FILIP1L: variants seen among roughly 807,000 people sequenced by gnomAD.
The protein encoded by FILIP1L is filamin A-interacting protein 1-like.
In FILIP1L, 55 loss-of-function variants were observed where a neutral mutation model predicts 96.6. The observed-to-expected ratio is 0.57, with a 90% CI of 0.46 to 0.71. The LOEUF (loss-of-function observed/expected upper bound fraction) is 0.71, where lower values mean the gene tolerates loss of function less well. Among genes scored for constraint, FILIP1L ranks in the 30% least tolerant of loss-of-function variants. The pLI, the probability that FILIP1L is intolerant of heterozygous loss-of-function variation, is 0.00. For synonymous variants in FILIP1L, 467 were observed against 473.9 expected (o/e 0.99, Z 0.19); for missense variants, 1,304 against 1,321.2 (o/e 0.99, Z 0.20).
chr3:99,895,511 G>T (rs1424169173), intron 4 of FILIP1L, among the ~76,000 whole-genome samples: 1 of 151,986 alleles, frequency 6.6e-6, no homozygotes, highest in Admixed American at 6.6e-5. Flanking sequence ...TGCAGAAGAG[G>T]CCAAGTTCCT....
intron 1 of FILIP1L, among the ~76,000 whole-genome samples, chr3:99,995,689 TC>T (rs987189910): frequency 6.6e-6 from 1 of 152,224 alleles, no homozygotes; most frequent in Non-Finnish European, 1.5e-5. Context: ...AGGCAGAGGT[TC>T]CCAAACCCCA....
rs936139740 is a variant in FILIP1L at position 99,829,866 on chromosome 3, A to C, written c.*548T>G. On this transcript the variant is annotated 3_prime_UTR_variant, in exon 6 of 6. Transcript: ENST00000477258. ...TATTCGGCTGTTATTCACTTTTGTT[A>C]TGCTTTTCCTCCTTTAAGAATTATC... is the stretch of plus-strand genomic sequence containing the variant. Among the ~76,000 whole-genome samples the C allele has an allele frequency of 6.6e-6, 1 of 152,174 alleles. No homozygotes were observed. The highest frequency in any genetic ancestry group is 1.5e-5 in the Non-Finnish European group (1 of 68,018).
intron 1 of FILIP1L, among the ~76,000 whole-genome samples, chr3:99,947,336 C>T (rs2107683908): frequency 6.6e-6 from 1 of 152,254 alleles, no homozygotes; most frequent in South Asian, 2.1e-4. Flanking sequence ...TAGCTATTGT[C>T]ATAAATCTTC....
chr3:99,948,820 A>C (rs941471874), intron 1 of FILIP1L, among the ~76,000 whole-genome samples: 1 of 152,214 alleles, frequency 6.6e-6, no homozygotes, highest in African/African-American at 2.4e-5. Context: ...CCTCAGAATC[A>C]TAAGACATCA....
intron 1 of FILIP1L, among the ~76,000 whole-genome samples, chr3:99,963,082 C>T (rs1708541387): frequency 6.6e-6 from 1 of 152,220 alleles, no homozygotes; most frequent in East Asian, 1.9e-4. Flanking sequence ...CCTTCTGCCA[C>T]TGTCAAAGAG....
At chr3:99,992,119 G>A (rs1275977515) in intron 1 of FILIP1L, among the ~76,000 whole-genome samples, 1 of 151,566 alleles carries the variant, frequency 6.6e-6, no homozygotes, top group Non-Finnish European at 1.5e-5. Flanking sequence ...GCATTGTGCT[G>A]TGATAAAAAT....
chr3:99,946,879 AT>A (rs1708024104), intron 1 of FILIP1L, among the ~76,000 whole-genome samples: 1 of 152,176 alleles, frequency 6.6e-6, no homozygotes, highest in Admixed American at 6.5e-5. Context: ...GGATACAGTC[AT>A]TTGTTGCACA....
At chr3:99,857,619 T>G (rs923066728) in intron 4 of FILIP1L, among the ~76,000 whole-genome samples, 11 of 152,228 alleles carry the variant, frequency 7.2e-5, no homozygotes, top group Non-Finnish European at 1.3e-4. Flanking sequence ...TATGTTTCTG[T>G]TTTCACAGAT....
intron 4 of FILIP1L, among the ~76,000 whole-genome samples, chr3:99,901,845 A>G (rs2107627688): frequency 6.6e-6 from 1 of 152,174 alleles, no homozygotes; most frequent in East Asian, 1.9e-4. Flanking sequence ...CATTTTTAAG[A>G]TTTATACATT....
rs565113007 is a variant in FILIP1L, at chr3:100,001,976, T to TC, written c.-10-70947dup. On this transcript the variant is annotated intron_variant, in intron 1 of 5. Transcript: ENST00000477258. ...TTCATCTCCAGTGGGCTTGTCCATA[T>TC]CCCCCCCAATTCTGAAGCTTTGTTG... Among the ~76,000 whole-genome samples the TC allele has an allele frequency of 6.6e-4, 101 of 152,038 alleles. 1 individual carries two copies. The South Asian group carries it at 0.02, about 30-fold the overall frequency.
At chr3:100,086,729 G>A (rs958081179) in intron 1 of FILIP1L, among the ~76,000 whole-genome samples, 5 of 152,042 alleles carry the variant, frequency 3.3e-5, no homozygotes, top group Non-Finnish European at 7.4e-5. Context: ...TTTACATATG[G>A]TAAAATTCAC....
At chr3:99,995,999 C>T (rs903085293) in intron 1 of FILIP1L, among the ~76,000 whole-genome samples, 1 of 152,186 alleles carries the variant, frequency 6.6e-6, no homozygotes, top group African/African-American at 2.4e-5. Flanking sequence ...ACATTCGGCT[C>T]CTTGTTACTT....
intron 4 of FILIP1L, among the ~76,000 whole-genome samples, chr3:99,911,308 TTATTA>T (rs1194259848): frequency 2.0e-5 from 3 of 148,770 alleles, no homozygotes; most frequent in African/African-American, 7.3e-5. Context: ...GTTGTTTTTG[TTATTA>T]TATATTATAT....
intron 1 of FILIP1L, among the ~76,000 whole-genome samples, chr3:100,016,263 GCT>G (rs1164707050): frequency 6.6e-6 from 1 of 152,160 alleles, no homozygotes; most frequent in Non-Finnish European, 1.5e-5. Flanking sequence ...TGCGATCTCG[GCT>G]CACTGCAACC....
intron 4 of FILIP1L, among the ~76,000 whole-genome samples, chr3:99,861,038 A>G (rs1944225414): frequency 6.6e-6 from 1 of 151,918 alleles, no homozygotes; most frequent in Non-Finnish European, 1.5e-5. Context: ...TAGAGAGTCT[A>G]CTCATTTTTC....
Position 99,850,869 on chromosome 3 carries a change from T to C in FILIP1L, c.807A>G (p.Glu269=). The C allele has an allele frequency of 6.2e-7, 1 of 1,614,184 alleles. No individual in the cohort carries two copies. The highest frequency in any genetic ancestry group is 1.3e-5 in the African/African-American group (1 of 75,056). ...KIQELTTNAK[E]THTKLALAEA... ...CAGCAAGGGCTAGTTTGGTATGTGT[T>C]TCCTTTGCATTTGTGGTCAGCTCTT... Residue 269 remains glutamate, a synonymous_variant, in exon 5 of 6, where the codon GAA becomes GAG. Coordinates refer to ENST00000477258, the MANE Select transcript of FILIP1L (RefSeq NM_001387850.1).
chr3:100,101,942 A>G (rs1373675765), intron 1 of FILIP1L, among the ~76,000 whole-genome samples: 4 of 152,164 alleles, frequency 2.6e-5, no homozygotes, highest in Non-Finnish European at 5.9e-5. Flanking sequence ...CCTACAAAGG[A>G]CATGAACTCA....
chr3:99,972,931 A>G (rs1051064659), intron 1 of FILIP1L, among the ~76,000 whole-genome samples: 4 of 152,246 alleles, frequency 2.6e-5, no homozygotes, highest in African/African-American at 9.6e-5. Context: ...AAGTAAACAC[A>G]TCAGCAAAGA....
chr3:99,940,122 T>C (rs1255626324), intron 1 of FILIP1L, among the ~76,000 whole-genome samples: 1 of 152,192 alleles, frequency 6.6e-6, no homozygotes, highest in South Asian at 2.1e-4. Flanking sequence ...TAAATAGTGA[T>C]TTATCCAAGT....
Sources: gnomAD v4.1 joint callset for allele counts (sites outside exome capture counted in the v4.1 genomes callset) on GRCh38, gnomAD v4.1.1 for gene constraint, MANE v1.5 for transcripts, NCBI Gene and HGNC (gene_info 2026-07-23, HGNC 2026-07-21) for gene names.